The following ARHGAP26 variants were observed in gnomAD, a reference collection of about 807,000 sequenced individuals.
ARHGAP26 encodes rho GTPase-activating protein 26.
In ARHGAP26, 38 loss-of-function variants were observed where a neutral mutation model predicts 104.8. The ratio of observed to expected loss-of-function variants is 0.36; its 90% CI spans 0.28 to 0.48. The LOEUF is 0.48. ARHGAP26 is among the 20% of genes least tolerant of loss of function. The pLI, the probability that ARHGAP26 is intolerant of heterozygous loss-of-function variation, is 0.99. For missense variants in ARHGAP26, 704 were observed against 947.9 expected, an observed-to-expected ratio of 0.74 and a Z score of 3.38; for synonymous variants, 341 against 340.0, an observed-to-expected ratio of 1.00 and a Z score of -0.03.
chr5:143,201,739 A>G (rs1807763557), intron 20 of ARHGAP26, among the ~76,000 whole-genome samples: 1 of 152,218 alleles, frequency 6.6e-6, no homozygotes, highest in African/African-American at 2.4e-5. Context: ...GAACTAAAAT[A>G]CAATGTACTC....
At chr5:142,811,795 G>T (rs557305467) in intron 1 of ARHGAP26, among the ~76,000 whole-genome samples, 1 of 152,142 alleles carries the variant, frequency 6.6e-6, no homozygotes, top group Non-Finnish European at 1.5e-5. Flanking sequence ...ACTCTTGTGC[G>T]CAGCCTTGCA....
At chr5:142,954,904 T>A (rs1477775154) in intron 11 of ARHGAP26, among the ~76,000 whole-genome samples, 1 of 152,176 alleles carries the variant, frequency 6.6e-6, no homozygotes, top group Non-Finnish European at 1.5e-5. Flanking sequence ...ATGTCATTAA[T>A]TCAAAGGTTT....
chr5:143,169,298 TA>T (rs1802454234), intron 20 of ARHGAP26, among the ~76,000 whole-genome samples: 1 of 152,206 alleles, frequency 6.6e-6, no homozygotes, highest in Admixed American at 6.5e-5. Flanking sequence ...CTAGCCCAAA[TA>T]AGTTAGGCTA....
chr5:143,139,872 C>T (rs1225552800), intron 19 of ARHGAP26, among the ~76,000 whole-genome samples: 1 of 152,106 alleles, frequency 6.6e-6, no homozygotes, highest in African/African-American at 2.4e-5. Context: ...TTTTTCTGGA[C>T]GACTGTAGAA....
intron 11 of ARHGAP26, among the ~76,000 whole-genome samples, chr5:142,997,552 G>A (rs1165991856): frequency 6.6e-6 from 1 of 151,022 alleles, no homozygotes; most frequent in Non-Finnish European, 1.5e-5. Flanking sequence ...GGGACTACAG[G>A]TGCATGCCAC....
chr5:142,956,530 T>C (rs1024759478), intron 11 of ARHGAP26, among the ~76,000 whole-genome samples: 2 of 152,068 alleles, frequency 1.3e-5, no homozygotes, highest in African/African-American at 4.8e-5. Context: ...CGAGCTATGA[T>C]TGCACCACTC....
chr5:142,916,636 A>T (rs928555906), intron 10 of ARHGAP26, among the ~76,000 whole-genome samples: 18 of 152,240 alleles, frequency 1.2e-4, no homozygotes, highest in Non-Finnish European at 2.2e-4. Context: ...ACAAAAAAAA[A>T]TTCAGGCTCC....
chr5:142,790,482 AT>A (rs1759574485), intron 1 of ARHGAP26, among the ~76,000 whole-genome samples: 1 of 152,160 alleles, frequency 6.6e-6, no homozygotes, highest in African/African-American at 2.4e-5. Context: ...CATTTCTTAC[AT>A]GGCAGGCAGA....
chr5:143,182,886 A>G (rs945777902), intron 20 of ARHGAP26, among the ~76,000 whole-genome samples: 1 of 152,112 alleles, frequency 6.6e-6, no homozygotes, highest in Non-Finnish European at 1.5e-5. Flanking sequence ...CATTGGTTTT[A>G]TTGTAGTCCT....
intron 4 of ARHGAP26, among the ~76,000 whole-genome samples, chr5:142,884,953 C>G (rs563741316): frequency 1.4e-4 from 21 of 152,314 alleles, no homozygotes; most frequent in African/African-American, 4.6e-4. Flanking sequence ...GCTGCTGCTC[C>G]CCAGCCCCCA....
At chr5:143,207,547 G>C (rs1186991424) in intron 21 of ARHGAP26, 1 of 1,548,858 alleles carries the variant, frequency 6.5e-7, no homozygotes, top group Non-Finnish European at 8.8e-7. Flanking sequence ...GGCTGCCCCT[G>C]CTCTCCTGTG....
rs1169496913 is a variant in ARHGAP26, at chr5:143,054,388, A to G, written c.1286-51A>G. On this transcript the variant is annotated intron_variant, in intron 14 of 22. Coordinates refer to ENST00000645722, the MANE Select transcript of ARHGAP26 (RefSeq NM_001135608.3). ...TGGATGCCTTTATGTGTGCTTATTT[A>G]TTAGTTCCATTTTATGCTGTGCTTT... 7 of 1,327,412 alleles carry G rather than the reference A, an allele frequency of 5.3e-6. No individual in the cohort carries two copies. The Admixed American group carries it at 1.4e-4, about 27-fold the overall frequency. The allele number at this position is 1,327,412 out of a possible 1,614,324, so 82.2% of individuals were successfully genotyped here.
chr5:143,149,893 A>C (rs1799610207), intron 20 of ARHGAP26, among the ~76,000 whole-genome samples: 1 of 152,216 alleles, frequency 6.6e-6, no homozygotes, highest in African/African-American at 2.4e-5. Context: ...ACTATTTTTC[A>C]TAATGACTGG....
rs181404717 is a variant in ARHGAP26 at position 143,033,646 on chromosome 5, T to C, written c.1145-3550T>C. 1.6e-3 allele frequency among the ~76,000 whole-genome samples: 238 copies of C among 152,268 alleles called. 1 individual carries two copies. The highest frequency in any genetic ancestry group is 5.3e-3 in the African/African-American group (219 of 41,556). ...TATCGATGTTCAGAGGGTAAAGAAA[T>C]AGCCTTTGTCTAGGGCAGAAGTTCG... On this transcript the variant is annotated intron_variant, in intron 12 of 22. Coordinates refer to ENST00000645722, the MANE Select transcript of ARHGAP26 (RefSeq NM_001135608.3).
chr5:142,875,649 GT>G (rs1203720272), intron 3 of ARHGAP26, among the ~76,000 whole-genome samples: 1 of 152,122 alleles, frequency 6.6e-6, no homozygotes, highest in Non-Finnish European at 1.5e-5. Flanking sequence ...TGTAATGAAG[GT>G]AACTATAAAA....
chr5:142,912,422 G>A (rs146201035), intron 9 of ARHGAP26, among the ~76,000 whole-genome samples: 16 of 152,314 alleles, frequency 1.1e-4, no homozygotes, highest in East Asian at 9.6e-4. Flanking sequence ...GAGGAGGGAT[G>A]GATTGCCAGG....
chr5:142,947,348 T>C (rs551114805), intron 11 of ARHGAP26, among the ~76,000 whole-genome samples: 1 of 152,316 alleles, frequency 6.6e-6, no homozygotes, highest in Non-Finnish European at 1.5e-5. Context: ...CTGCCTAGCA[T>C]TGAATATACT....
intron 1 of ARHGAP26, among the ~76,000 whole-genome samples, chr5:142,819,884 C>A (rs948900302): frequency 2.6e-5 from 4 of 152,078 alleles, no homozygotes; most frequent in Admixed American, 6.5e-5. Flanking sequence ...GAAGCCCTGA[C>A]TGGTGTTGCA....
chr5:143,201,987 C>T (rs920454238), intron 20 of ARHGAP26, among the ~76,000 whole-genome samples: 3 of 152,170 alleles, frequency 2.0e-5, no homozygotes, highest in African/African-American at 7.2e-5. Flanking sequence ...AATTTTCTAT[C>T]TTGATCTGTC....
Sources: allele counts gnomAD v4.1 joint callset (sites outside exome capture counted in the v4.1 genomes callset), GRCh38; gene constraint gnomAD v4.1.1; transcripts MANE v1.5; gene names NCBI Gene and HGNC (gene_info 2026-07-23, HGNC 2026-07-21).